The following MYO16 variants were observed in gnomAD, a reference collection of about 807,000 sequenced individuals.
MYO16 encodes the protein unconventional myosin-XVI.
MYO16 carries 94 observed loss-of-function variants against 205.3 expected under a neutral mutation model. The observed-to-expected ratio is 0.46, with a 90% CI of 0.39 to 0.54. The LOEUF (loss-of-function observed/expected upper bound fraction) is 0.54, where lower values mean the gene tolerates loss of function less well. Ranked by LOEUF, MYO16 falls within the 20% of genes least tolerant of loss-of-function variation. The pLI is 0.00. For synonymous variants in MYO16, 988 were observed against 954.0 expected (o/e 1.04, Z -0.66); for missense variants, 2,315 against 2,387.5 (o/e 0.97, Z 0.63).
At chr13:108,537,633 C>T in the MYO16 span, among the ~76,000 whole-genome samples, 1 of 152,012 alleles carries the variant, frequency 6.6e-6, no homozygotes, top group Non-Finnish European at 1.5e-5. Context: ...GTAAGCATTT[C>T]CTTTTCTCTG....
chr13:109,037,673 G>C (rs183977677), intron 23 of MYO16, among the ~76,000 whole-genome samples: 3,598 of 151,294 alleles, frequency 0.024, 50 homozygotes, highest in Non-Finnish European at 0.036. Flanking sequence ...GAGACACACA[G>C]AGAGAGAGAG....
intron 20 of MYO16, among the ~76,000 whole-genome samples, chr13:108,978,877 G>A (rs571003066): frequency 2.7e-4 from 41 of 151,904 alleles, no homozygotes; most frequent in Non-Finnish European, 4.9e-4. Context: ...GTATATTATA[G>A]ATTCAGATTA....
intron 2 of MYO16, among the ~76,000 whole-genome samples, chr13:108,674,635 G>A (rs1008426446): frequency 4.6e-5 from 7 of 152,250 alleles, no homozygotes; most frequent in East Asian, 1.9e-4. Flanking sequence ...TTTAGAATCC[G>A]TCAAATCTAC....
chr13:109,199,240 A>ATATG (rs1304819356), intron 34 of MYO16, among the ~76,000 whole-genome samples: 4 of 93,990 alleles, frequency 4.3e-5, no homozygotes, highest in African/African-American at 8.0e-5. Context: ...ATATATATAT[A>ATATG]CCGTCATTTT....
At chr13:108,834,664 TCTCTCA>T (rs1248975164) in intron 9 of MYO16, among the ~76,000 whole-genome samples, 117 of 24,798 alleles carry the variant, frequency 4.7e-3, no homozygotes, top group African/African-American at 9.2e-3. Context: ...TCTCTCTCTC[TCTCTCA>T]CACATATATA....
intron 9 of MYO16, among the ~76,000 whole-genome samples, chr13:108,841,929 T>C (rs1877262328): frequency 6.6e-6 from 1 of 152,046 alleles, no homozygotes; most frequent in Non-Finnish European, 1.5e-5. Flanking sequence ...CCCAAGCATA[T>C]ATTGTCAACT....
At chr13:108,501,164 C>T in the MYO16 span, among the ~76,000 whole-genome samples, 5 of 152,156 alleles carry the variant, frequency 3.3e-5, no homozygotes, top group South Asian at 2.1e-4. Context: ...CTTATTGAAA[C>T]GCCGGACTTT....
intron 6 of MYO16, among the ~76,000 whole-genome samples, chr13:108,796,129 T>C (rs555777252): frequency 2.0e-5 from 3 of 152,200 alleles, no homozygotes; most frequent in Middle Eastern, 3.4e-3. Flanking sequence ...TGGGCCTATA[T>C]GAGGACCACG....
the MYO16 span, among the ~76,000 whole-genome samples, chr13:108,503,090 T>C: frequency 4.4e-4 from 67 of 152,318 alleles, no homozygotes; most frequent in Admixed American, 3.7e-3. Context: ...GCTATAGATA[T>C]ATAAGCATTC....
intron 1 of MYO16, among the ~76,000 whole-genome samples, chr13:108,606,983 A>C (rs970976067): frequency 1.3e-5 from 2 of 152,206 alleles, no homozygotes; most frequent in African/African-American, 4.8e-5. Context: ...TTAAAGTTTA[A>C]TGATTACCCT....
At position 109,207,772 on chromosome 13, in the gene MYO16, G is replaced by A. The variant is rs1424079552; in HGVS notation, c.*936G>A. On this transcript the variant is annotated 3_prime_UTR_variant, in exon 35 of 35. Transcript: ENST00000457511. ...CTGCCATGTACTGGTTTGAGCAGTA[G>A]GGGCTGCATCGCACAGCGCTCGTCC... is the stretch of plus-strand genomic sequence containing the variant. 4 of 152,250 alleles carry A rather than the reference G, an allele frequency of 2.6e-5. No individual in the cohort carries two copies. In the East Asian group the frequency reaches 7.7e-4, roughly 29 times the overall value. The allele number at this position is 152,250 out of a possible 1,614,324, so 9.4% of individuals were successfully genotyped here. A position where few individuals can be genotyped will look rare whatever the true frequency, so the allele number is the denominator to read the frequency against.
the MYO16 span, among the ~76,000 whole-genome samples, chr13:108,505,680 T>A: frequency 2.0e-5 from 3 of 152,300 alleles, no homozygotes; most frequent in Admixed American, 2.0e-4. Context: ...TTTGATGTAG[T>A]CCTATTTGTC....
chr13:109,083,155 G>A (rs1472080297), intron 27 of MYO16, among the ~76,000 whole-genome samples: 1 of 151,854 alleles, frequency 6.6e-6, no homozygotes, highest in African/African-American at 2.4e-5. Flanking sequence ...GGCTGAGGCA[G>A]GTGGATCACT....
At chr13:108,792,019 T>C (rs1405954348) in intron 5 of MYO16, among the ~76,000 whole-genome samples, 1 of 152,214 alleles carries the variant, frequency 6.6e-6, no homozygotes, top group Non-Finnish European at 1.5e-5. Context: ...ATCACCATCA[T>C]TATCATTTTT....
At chr13:108,651,741 T>C (rs1195390352) in intron 1 of MYO16, among the ~76,000 whole-genome samples, 2 of 152,206 alleles carry the variant, frequency 1.3e-5, no homozygotes, top group Non-Finnish European at 2.9e-5. Flanking sequence ...ATTATTTAGG[T>C]TTATTTCTCT....
intron 24 of MYO16, among the ~76,000 whole-genome samples, chr13:109,049,972 G>GTGTGTGTGTGTGTGTA (rs796802250): frequency 1.5e-5 from 2 of 131,188 alleles, no homozygotes; most frequent in East Asian, 2.5e-4. Flanking sequence ...GTGTGTGTGT[G>GTGTGTGTGTGTGTGTA]TGTGTTTACT....
intron 16 of MYO16, among the ~76,000 whole-genome samples, chr13:108,956,355 G>A (rs575235061): frequency 6.6e-6 from 1 of 151,786 alleles, no homozygotes; most frequent in African/African-American, 2.4e-5. Flanking sequence ...CTTCACCACT[G>A]CTGGCCTCTC....
At chr13:108,951,966 C>A (rs954784153) in intron 16 of MYO16, among the ~76,000 whole-genome samples, 1 of 151,978 alleles carries the variant, frequency 6.6e-6, no homozygotes, top group East Asian at 1.9e-4. Context: ...ATTCGCCAGA[C>A]GTGGTGGTGG....
chr13:108,818,796 A>G (rs1875783704), intron 7 of MYO16, among the ~76,000 whole-genome samples: 1 of 152,222 alleles, frequency 6.6e-6, no homozygotes, highest in African/African-American at 2.4e-5. Context: ...CTTAGGCAAA[A>G]CTGGCAAATC....
Sources: gnomAD v4.1 joint callset for allele counts (sites outside exome capture counted in the v4.1 genomes callset) on GRCh38, gnomAD v4.1.1 for gene constraint, MANE v1.5 for transcripts, NCBI Gene and HGNC (gene_info 2026-07-23, HGNC 2026-07-21) for gene names.